SPHKAP: variants seen among roughly 807,000 people sequenced by gnomAD.
SPHKAP encodes SPHK1 interactor, AKAP domain containing, also known as A-kinase anchor protein SPHKAP.
Under a neutral mutation model 137.5 loss-of-function variants are expected in SPHKAP, and 67 were observed. The observed-to-expected ratio is 0.49, with a 90% confidence interval of 0.40 to 0.60. The LOEUF (loss-of-function observed/expected upper bound fraction) is 0.60, where lower values mean the gene tolerates loss of function less well. SPHKAP is among the 20% of genes least tolerant of loss of function. The pLI is 0.00. For missense variants in SPHKAP, 2,097 were observed against 2,069.3 expected, an observed-to-expected ratio of 1.01 and a Z score of -0.26; for synonymous variants, 813 against 785.3, an observed-to-expected ratio of 1.04 and a Z score of -0.59.
intron 1 of SPHKAP, among the ~76,000 whole-genome samples, chr2:228,150,970 A>G (rs1188069777): frequency 2.0e-5 from 3 of 151,938 alleles, no homozygotes; most frequent in South Asian, 2.1e-4. Context: ...TTTAGGGTAC[A>G]TGTGCACAAT....
chr2:227,993,821 G>T (rs551995898), intron 8 of SPHKAP, among the ~76,000 whole-genome samples: 1 of 152,170 alleles, frequency 6.6e-6, no homozygotes, highest in South Asian at 2.1e-4. Context: ...CAGCTCAGCA[G>T]ATAATAATAA....
At chr2:228,125,565 C>G (rs138169932) in intron 2 of SPHKAP, among the ~76,000 whole-genome samples, 1 of 152,310 alleles carries the variant, frequency 6.6e-6, no homozygotes, top group East Asian at 1.9e-4. Flanking sequence ...AACCTGGGAT[C>G]TAATTCAAGT....
intron 2 of SPHKAP, among the ~76,000 whole-genome samples, chr2:228,112,516 C>T (rs747481032): frequency 3.3e-5 from 5 of 152,092 alleles, no homozygotes; most frequent in Non-Finnish European, 7.4e-5. Context: ...GAGTTCGAAA[C>T]GCAATTCACT....
chr2:228,030,483 C>G (rs1695247474), intron 3 of SPHKAP, among the ~76,000 whole-genome samples: 1 of 137,840 alleles, frequency 7.3e-6, no homozygotes, highest in Admixed American at 7.8e-5. Context: ...CCACTGCACT[C>G]CAGCCTGGCA....
intron 3 of SPHKAP, among the ~76,000 whole-genome samples, chr2:228,095,268 G>C (rs934674954): frequency 6.6e-6 from 1 of 152,178 alleles, no homozygotes; most frequent in Admixed American, 6.5e-5. Context: ...AGAGATGGTA[G>C]TTATGAAAAG....
chr2:228,080,159 C>A (rs1159182396), intron 3 of SPHKAP, among the ~76,000 whole-genome samples: 1 of 151,830 alleles, frequency 6.6e-6, no homozygotes, highest in African/African-American at 2.4e-5. Context: ...TCTGCACCGC[C>A]AAGGAAACAA....
chr2:228,100,923 G>GGTA (rs1698166512), intron 3 of SPHKAP, among the ~76,000 whole-genome samples: 1 of 151,940 alleles, frequency 6.6e-6, no homozygotes, highest in Admixed American at 6.6e-5. Context: ...CAGGATTTTG[G>GGTA]CACCAGCTCT....
chr2:228,132,519 ATAG>A, intron 1 of SPHKAP: 1 of 885,162 alleles, frequency 1.1e-6, no homozygotes, highest in African/African-American at 1.8e-5. Flanking sequence ...TGGACTCAGA[ATAG>A]TACCATTAAA....
chr2:228,106,502 A>C lies in SPHKAP; in HGVS notation c.246+2330T>G, dbSNP rs188150086. On this transcript the variant is annotated intron_variant, in intron 3 of 11. Transcript: ENST00000392056. ...ACATTTAAGTTTGGGATGATTTTAT[A>C]AAACTATTCTTAAAATTAAACTTTA... is the stretch of plus-strand genomic sequence containing the variant. 1.9e-3 allele frequency among the ~76,000 whole-genome samples: 286 copies of C among 152,344 alleles called. 3 individuals are homozygous for C. The highest frequency in any genetic ancestry group is 0.018 in the Admixed American group (278 of 15,300).
At chr2:228,003,240 C>T (rs572444894) in intron 7 of SPHKAP, among the ~76,000 whole-genome samples, 5 of 152,242 alleles carry the variant, frequency 3.3e-5, no homozygotes, top group East Asian at 1.9e-4. Context: ...TCTTTTATTT[C>T]GTTGAGCAGT....
chr2:228,028,149 A>G (rs1233603447), intron 3 of SPHKAP: 1 of 725,374 alleles, frequency 1.4e-6, no homozygotes, highest in Admixed American at 6.3e-5. Context: ...AAAATCTTCA[A>G]GTTTATAAGG....
chr2:228,087,577 G>A (rs1444623796), intron 3 of SPHKAP, among the ~76,000 whole-genome samples: 1 of 151,932 alleles, frequency 6.6e-6, no homozygotes. Flanking sequence ...TGTTTCATCA[G>A]ATAAAGAATA....
chr2:228,044,948 G>A lies in SPHKAP; in HGVS notation c.247-17405C>T, dbSNP rs545496172. Among the ~76,000 whole-genome samples the A allele has an allele frequency of 3.5e-4, 53 of 152,182 alleles. No homozygotes were observed. In the East Asian group the frequency reaches 7.9e-3, roughly 23 times the overall value. ...AAAAAGTGGGCAAAGGATATGAACA[G>A]ACACTTCTCAAAAGAAGACATTTAT... On this transcript the variant is annotated intron_variant, in intron 3 of 11. Coordinates refer to ENST00000392056, the MANE Select transcript of SPHKAP (RefSeq NM_001142644.2).
chr2:228,142,737 T>C (rs1464268869), intron 1 of SPHKAP, among the ~76,000 whole-genome samples: 1 of 151,920 alleles, frequency 6.6e-6, no homozygotes, highest in Admixed American at 6.6e-5. Context: ...CAAGGAAAAA[T>C]AGCTACTGAG....
intron 1 of SPHKAP, among the ~76,000 whole-genome samples, chr2:228,151,555 T>C (rs954631136): frequency 3.3e-5 from 5 of 152,138 alleles, no homozygotes; most frequent in African/African-American, 1.2e-4. Flanking sequence ...GTTAACATTG[T>C]AAAAGTGTTC....
intron 7 of SPHKAP, 37 bp downstream of exon 7, chr2:228,016,369 C>A: frequency 1.3e-6 from 2 of 1,521,230 alleles, no homozygotes; most frequent in South Asian, 1.3e-5. Context: ...AAACTCCAGT[C>A]ACATGCACCC....
intron 3 of SPHKAP, among the ~76,000 whole-genome samples, chr2:228,028,721 T>C (rs771537450): frequency 3.6e-4 from 55 of 152,190 alleles, no homozygotes; most frequent in Non-Finnish European, 6.6e-4. Context: ...ACAGGTACAG[T>C]AAGCTATGTC....
chr2:228,164,431 G>A lies in SPHKAP; in HGVS notation c.32+17136C>T, dbSNP rs150181799. ...TGTATACATATGTCCTATTAATGCT[G>A]TCCCTCTGGAAAGCCCTGACTAATA... On this transcript the variant is annotated intron_variant, in intron 1 of 11. Transcript: ENST00000392056. 7.9e-5 allele frequency among the ~76,000 whole-genome samples: 12 copies of A among 152,244 alleles called. No homozygotes were observed. In the East Asian group the frequency reaches 2.3e-3, roughly 29 times the overall value.
chr2:228,004,014 A>C (rs1196590950), intron 7 of SPHKAP, among the ~76,000 whole-genome samples: 1 of 152,174 alleles, frequency 6.6e-6, no homozygotes, highest in Non-Finnish European at 1.5e-5. Context: ...ATATTGGTCT[A>C]AAATTCTCTT....
Sources: gnomAD v4.1 joint callset for allele counts (sites outside exome capture counted in the v4.1 genomes callset) on GRCh38, gnomAD v4.1.1 for gene constraint, MANE v1.5 for transcripts, NCBI Gene and HGNC (gene_info 2026-07-23, HGNC 2026-07-21) for gene names.